The following ZNF592 variants were observed in gnomAD, a reference collection of about 807,000 sequenced individuals.
ZNF592 encodes the protein spinocerebellar ataxia, autosomal recessive 5.
In ZNF592, 11 loss-of-function variants were observed where a neutral mutation model predicts 80.3. That is an observed-to-expected ratio of 0.14 (90% confidence interval 0.09 to 0.23). The LOEUF is 0.23. Among genes scored for constraint, ZNF592 ranks in the 10% least tolerant of loss-of-function variants. The probability of loss-of-function intolerance (pLI) is 1.00; values close to 1 mark genes in which losing one functional copy is unlikely to be tolerated. For missense variants in ZNF592, 1,420 were observed against 1,633.9 expected (o/e 0.87, Z 2.26); for synonymous variants, 646 against 640.3 (o/e 1.01, Z -0.13).
chr15:84,782,789 G>C lies in ZNF592; in HGVS notation c.114G>C (p.Glu38Asp). Residue 38 changes from glutamate to aspartate, a missense_variant, in exon 4 of 11, where the codon GAG becomes GAC. This residue lies in a region of ZNF592 where 373 missense variants were observed against 355.5 expected (regional missense o/e 1.05). Coordinates refer to ENST00000560079, the MANE Select transcript of ZNF592 (RefSeq NM_014630.3). The part of the protein sequence containing the change: ...EAIQTPSEEN[E>D]SPLKPPGICM... ...TCCAGACACCCAGTGAGGAGAATGA[G>C]AGTCCCCTCAAACCTCCAGGCATAT... is the stretch of plus-strand genomic sequence containing the variant. The C allele has an allele frequency of 6.2e-7, 1 of 1,614,136 alleles. No homozygotes were observed. Among genetic ancestry groups the C allele is most frequent in the Non-Finnish European group, 8.5e-7 (1 of 1,180,020 alleles).
At chr15:84,797,550 C>A (rs1962952243) in intron 5 of ZNF592, among the ~76,000 whole-genome samples, 1 of 152,212 alleles carries the variant, frequency 6.6e-6, no homozygotes, top group Non-Finnish European at 1.5e-5. Context: ...TCTCCACTTC[C>A]ACCAACTTCT....
intron 3 of ZNF592, among the ~76,000 whole-genome samples, chr15:84,778,657 A>T (rs1962332420): frequency 6.6e-6 from 1 of 152,182 alleles, no homozygotes; most frequent in South Asian, 2.1e-4. Context: ...AAGGCTTCCC[A>T]ATGACCCCTT....
At chr15:84,760,658 A>G (rs1174911134) in intron 1 of ZNF592, among the ~76,000 whole-genome samples, 5 of 152,060 alleles carry the variant, frequency 3.3e-5, no homozygotes, top group Non-Finnish European at 7.4e-5. Context: ...GTGTAGAGAT[A>G]GGGTAGCAAA....
chr15:84,753,665 G>T (rs1023753687), intron 1 of ZNF592: 7 of 152,142 alleles, frequency 4.6e-5, no homozygotes, highest in Admixed American at 4.6e-4. Flanking sequence ...TAGAGACGGG[G>T]TTTCACCATG....
chr15:84,784,860 C>T lies in ZNF592; in HGVS notation c.2185C>T (p.His729Tyr). The part of the protein sequence containing the change: ...QMRDYMVLAA[H>Y]FQRTTEETEG... ...GCGGGACTACATGGTCCTGGCTGCA[C>T]ATTTCCAGAGGACAACAGAGGAGAC... Residue 729 changes from histidine (H) to tyrosine (Y), a missense_variant, in exon 4 of 11, where the codon CAT (histidine) becomes TAT (tyrosine). His to Tyr is a moderately conservative substitution (Grantham distance 83). Coordinates refer to ENST00000560079, the MANE Select transcript of ZNF592 (RefSeq NM_014630.3). The surrounding 1 kb of genome is among the most constrained non-coding windows in gnomAD (Gnocchi z 5.8). The T allele has an allele frequency of 6.2e-7, 1 of 1,614,174 alleles. No individual in the cohort carries two copies. The highest frequency in any genetic ancestry group is 8.5e-7 in the Non-Finnish European group (1 of 1,180,030).
chr15:84,781,609 A>T (rs1017460357), intron 3 of ZNF592, among the ~76,000 whole-genome samples: 1 of 152,322 alleles, frequency 6.6e-6, no homozygotes, highest in South Asian at 2.1e-4. Flanking sequence ...AATTGTGCCA[A>T]TCTGCATCCA....
chr15:84,751,535 A>C (rs1596101531), intron 1 of ZNF592, among the ~76,000 whole-genome samples: 1 of 152,216 alleles, frequency 6.6e-6, no homozygotes, highest in African/African-American at 2.4e-5. Flanking sequence ...TAAGTCATGT[A>C]AACAGTTGAG....
intron 1 of ZNF592, among the ~76,000 whole-genome samples, chr15:84,762,420 T>C (rs1425125104): frequency 6.6e-6 from 1 of 152,170 alleles, no homozygotes. Context: ...GCCACGCAGA[T>C]ATCTGAGAAA....
chr15:84,785,006 A>T (rs1283294842), intron 4 of ZNF592, 111 bp downstream of exon 4: 3 of 1,251,562 alleles, frequency 2.4e-6, no homozygotes, highest in Non-Finnish European at 3.5e-6. Context: ...GAATCTTATG[A>T]GTCTTAGAAG....
At chr15:84,773,869 G>T (rs1596116501) in intron 2 of ZNF592, among the ~76,000 whole-genome samples, 1 of 152,136 alleles carries the variant, frequency 6.6e-6, no homozygotes, top group South Asian at 2.1e-4. Flanking sequence ...TGAGGTATGG[G>T]GAACCAAAAC....
chr15:84,760,676 G>C (rs1343584071), intron 1 of ZNF592, among the ~76,000 whole-genome samples: 2 of 152,166 alleles, frequency 1.3e-5, no homozygotes, highest in Non-Finnish European at 2.9e-5. Flanking sequence ...AAAGGGCAGT[G>C]TAGCTAGCAG....
chr15:84,774,627 G>A (rs138851532), intron 2 of ZNF592, among the ~76,000 whole-genome samples: 1 of 152,088 alleles, frequency 6.6e-6, no homozygotes, highest in East Asian at 1.9e-4. Context: ...GATGCACACA[G>A]ACAACATACA....
At chr15:84,767,254 G>A (rs1199477368) in intron 2 of ZNF592, among the ~76,000 whole-genome samples, 1 of 152,086 alleles carries the variant, frequency 6.6e-6, no homozygotes, top group African/African-American at 2.4e-5. Flanking sequence ...TCGAACTCCT[G>A]AGCTCAGGCG....
At chr15:84,759,252 A>G (rs1462417574) in intron 1 of ZNF592, among the ~76,000 whole-genome samples, 1 of 152,176 alleles carries the variant, frequency 6.6e-6, no homozygotes, top group African/African-American at 2.4e-5. Context: ...TTGCTTTCAG[A>G]CCAGAAGTGT....
intron 4 of ZNF592, among the ~76,000 whole-genome samples, chr15:84,785,936 T>C (rs1283202832): frequency 6.6e-6 from 1 of 151,938 alleles, no homozygotes; most frequent in Non-Finnish European, 1.5e-5. Flanking sequence ...TATGTGTTAG[T>C]GGTTTCTCTG....
intron 4 of ZNF592, among the ~76,000 whole-genome samples, chr15:84,789,161 T>C (rs761265134): frequency 3.3e-5 from 5 of 151,846 alleles, no homozygotes; most frequent in African/African-American, 4.8e-5. Flanking sequence ...GGCAGGAGAA[T>C]TGCTTGAGCC....
chr15:84,796,292 TATA>T (rs2141998310), intron 5 of ZNF592, among the ~76,000 whole-genome samples: 1 of 49,750 alleles, frequency 2.0e-5, no homozygotes, highest in Admixed American at 2.6e-4. Context: ...TATATATATA[TATA>T]AAAAAACGAA....
At chr15:84,763,280 G>A (rs1254327618) in intron 1 of ZNF592, among the ~76,000 whole-genome samples, 2 of 152,202 alleles carry the variant, frequency 1.3e-5, no homozygotes, top group Non-Finnish European at 2.9e-5. Flanking sequence ...GGTGACCTGG[G>A]AGAAGCAGCC....
chr15:84,759,961 CCCCCCA>C (rs879742423), intron 1 of ZNF592, among the ~76,000 whole-genome samples: 1,083 of 48,312 alleles, frequency 0.022, 107 homozygotes, highest in South Asian at 0.064. Flanking sequence ...GATTCCCCCC[CCCCCCA>C]CCCTGCCATT....
Sources: gnomAD v4.1 joint callset for allele counts (sites outside exome capture counted in the v4.1 genomes callset) on GRCh38, gnomAD v4.1.1 for gene constraint, gnomAD v4.1.1 regional missense constraint, Gnocchi (gnomAD v3.1) non-coding constraint, MANE v1.5 for transcripts, NCBI Gene and HGNC (gene_info 2026-07-23, HGNC 2026-07-21) for gene names.